HAPLN3: variants seen among roughly 807,000 people sequenced by gnomAD.
The protein encoded by HAPLN3 is extracellular link domain containing, 1.
A neutral mutation model predicts 28.1 loss-of-function variants in HAPLN3; 28 were observed. The ratio of observed to expected loss-of-function variants is 1.00; its 90% CI spans 0.74 to 1.37. The LOEUF is 1.37. HAPLN3 is among the 40% of genes most tolerant of loss of function. The pLI is 0.00. For missense variants in HAPLN3, 513 were observed against 504.6 expected (o/e 1.02, Z -0.16); for synonymous variants, 211 against 213.1 (o/e 0.99, Z 0.09).
chr15:88,879,241 G>T lies in HAPLN3; in HGVS notation c.522C>A (p.Asn174Lys). Residue 174 changes from asparagine (N) to lysine (K), a missense_variant, in exon 4 of 5, where the codon AAC becomes AAA. Physicochemically the swap from Asn to Lys is moderately conservative, Grantham distance 94. Transcript: ENST00000359595. The surrounding 1 kb of genome is among the most constrained non-coding windows in gnomAD (Gnocchi z 5.0). ...RGVVFPYQSPNGRYQFNFHEG... is the reference protein window; with the variant it reads ...RGVVFPYQSPKGRYQFNFHEG... Reference sequence around the variant, plus strand: ...CGTGGAAGTTGAACTGGTAGCGCCCGTTGGGGGACTGGTAAGGAAAGACCA... The same window carrying T: ...CGTGGAAGTTGAACTGGTAGCGCCCTTTGGGGGACTGGTAAGGAAAGACCA... 1.9e-6 allele frequency: 3 copies of T among 1,608,798 alleles called. No homozygotes were observed. Among genetic ancestry groups the T allele is most frequent in the Non-Finnish European group, 2.5e-6 (3 of 1,176,976 alleles).
At chr15:88,892,983 G>A (rs866031119) in intron 1 of HAPLN3, 3 of 1,535,606 alleles carry the variant, frequency 2.0e-6, no homozygotes, top group Middle Eastern at 1.7e-4. Context: ...CCTTGGCAGT[G>A]GATAGTTCCC....
At chr15:88,887,439 A>C (rs572272997) in intron 1 of HAPLN3, 94 bp from the exon 2 acceptor site, 2 of 1,175,348 alleles carry the variant, frequency 1.7e-6, no homozygotes, top group South Asian at 2.9e-5. Flanking sequence ...CTTGCTCAAC[A>C]GCTCACTGCG....
chr15:88,884,722 T>C (rs1415716280), intron 2 of HAPLN3, among the ~76,000 whole-genome samples: 1 of 152,080 alleles, frequency 6.6e-6, no homozygotes, highest in Non-Finnish European at 1.5e-5. Context: ...GATGTCGAGA[T>C]GGGGAGGGTA....
chr15:88,881,823 A>C lies in HAPLN3; in HGVS notation c.125-98T>G. On this transcript the variant is annotated intron_variant, in intron 2 of 4. Coordinates refer to ENST00000359595, the MANE Select transcript of HAPLN3 (RefSeq NM_178232.4). The surrounding 1 kb of genome is among the most constrained non-coding windows in gnomAD (Gnocchi z 6.0). ...CCTCATCCACGGCTCCTACAGGCTC[A>C]GATTGCAAAAATGGCCACCATGCTC... is the stretch of plus-strand genomic sequence containing the variant. 1.2e-5 allele frequency: 16 copies of C among 1,389,384 alleles called. No homozygotes were observed. The highest frequency in any genetic ancestry group is 1.5e-5 in the Non-Finnish European group (15 of 1,031,882). 86.1% of individuals were successfully genotyped at this position (1,389,384 alleles called of 1,614,324 possible). A position where few individuals can be genotyped will look rare whatever the true frequency, so the allele number is the denominator to read the frequency against.
At position 88,887,174 on chromosome 15, in the gene HAPLN3, C is replaced by T. The variant is rs1897881921; in HGVS notation, c.124+1G>A. ...AGAGCCGGGTGCAGGAGGTCGCCTA[C>T]CTTTGCCATGACCGTTGCCTAGGTT... On this transcript the variant is annotated splice_donor_variant, in intron 2 of 4. Transcript: ENST00000359595. LOFTEE classifies it high-confidence loss of function. 1 of 1,614,136 alleles carries T rather than the reference C, an allele frequency of 6.2e-7. No individual in the cohort carries two copies. The highest frequency in any genetic ancestry group is 8.5e-7 in the Non-Finnish European group (1 of 1,180,024).
At position 88,881,328 on chromosome 15, in the gene HAPLN3, G is replaced by T; in HGVS notation, c.493+29C>A. ...CTCTCCCCTCTGCTCTCAGGTCCCA[G>T]TGTCACCCAGTCCCCGTTAGCATCT... On this transcript the variant is annotated intron_variant, in intron 3 of 4. Coordinates refer to ENST00000359595, the MANE Select transcript of HAPLN3 (RefSeq NM_178232.4). This position sits in a 1 kb window ranked among gnomAD's most constrained non-coding sequence, Gnocchi z 6.0. The T allele has an allele frequency of 6.3e-7, 1 of 1,591,304 alleles. No individual in the cohort carries two copies. The highest frequency in any genetic ancestry group is 2.2e-5 in the East Asian group (1 of 44,686).
chr15:88,892,246 C>T (rs1016467586), intron 1 of HAPLN3, among the ~76,000 whole-genome samples: 1 of 152,076 alleles, frequency 6.6e-6, no homozygotes, highest in Non-Finnish European at 1.5e-5. Flanking sequence ...CACCTGAGGT[C>T]AGGAGTTTGA....
intron 1 of HAPLN3, among the ~76,000 whole-genome samples, chr15:88,891,943 A>G (rs541580409): frequency 8.4e-4 from 128 of 152,246 alleles, no homozygotes; most frequent in African/African-American, 2.6e-3. Context: ...GTCCCTGGGC[A>G]CCTAGAGTCT....
rs1196236724 is a variant in HAPLN3 at position 88,881,008 on chromosome 15, T to C, written c.493+349A>G. 1 of 322,298 alleles carries C rather than the reference T, an allele frequency of 3.1e-6. No homozygotes were observed. The highest frequency in any genetic ancestry group is 2.2e-5 in the African/African-American group (1 of 46,186). The allele number at this position is 322,298 out of a possible 1,614,324, so 20.0% of individuals were successfully genotyped here. A position where few individuals can be genotyped will look rare whatever the true frequency, so the allele number is the denominator to read the frequency against. ...GTGTTACCCGCTAACCTTGCTTAAA[T>C]CTCAGCTCTGTCTCTAATAAGCTGT... On this transcript the variant is annotated intron_variant, in intron 3 of 4. Coordinates refer to ENST00000359595, the MANE Select transcript of HAPLN3 (RefSeq NM_178232.4). This position sits in a 1 kb window ranked among gnomAD's most constrained non-coding sequence, Gnocchi z 6.0.
At chr15:88,893,047 T>A in intron 1 of HAPLN3, 1 of 1,293,814 alleles carries the variant, frequency 7.7e-7, no homozygotes, top group Non-Finnish European at 1.1e-6. Flanking sequence ...GTATTGGAGC[T>A]GGACACACTG....
chr15:88,883,221 T>C (rs958842120), intron 2 of HAPLN3, among the ~76,000 whole-genome samples: 1 of 152,060 alleles, frequency 6.6e-6, no homozygotes, highest in Non-Finnish European at 1.5e-5. Context: ...GAAATGCACA[T>C]TGTGGGGTCC....
intron 4 of HAPLN3, 75 bp downstream of exon 4, chr15:88,878,892 T>C: frequency 7.0e-7 from 1 of 1,425,698 alleles, no homozygotes; most frequent in Non-Finnish European, 9.4e-7. Flanking sequence ...GGGCCAGAGC[T>C]CCCCAGAAGC....
Position 88,880,613 on chromosome 15 carries a change from A to G in HAPLN3, c.493+744T>C. The G allele has an allele frequency of 3.1e-6, 4 of 1,288,374 alleles. No homozygotes were observed. Among genetic ancestry groups the G allele is most frequent in the Non-Finnish European group, 4.0e-6 (4 of 988,128 alleles). The allele number at this position is 1,288,374 out of a possible 1,614,324, so 79.8% of individuals were successfully genotyped here. A position where few individuals can be genotyped will look rare whatever the true frequency, so the allele number is the denominator to read the frequency against. On this transcript the variant is annotated intron_variant, in intron 3 of 4. Transcript: ENST00000359595. This position sits in a 1 kb window ranked among gnomAD's most constrained non-coding sequence, Gnocchi z 6.0. ...ATGTGAGGACACACAGCCCCATCCT[A>G]GAGACAGAGAAGGTAAATACAAATT...
chr15:88,887,633 T>TA (rs1238942129), intron 1 of HAPLN3, among the ~76,000 whole-genome samples: 22 of 152,286 alleles, frequency 1.4e-4, no homozygotes, highest in Middle Eastern at 3.4e-3. Context: ...AGCAGGATGA[T>TA]ATGACAGGCT....
chr15:88,881,403 A>G lies in HAPLN3; in HGVS notation c.447T>C (p.Ile149=), dbSNP rs1897692865. 1.2e-6 allele frequency: 2 copies of G among 1,613,770 alleles called. No individual in the cohort carries two copies. Among genetic ancestry groups the G allele is most frequent in the African/African-American group, 1.3e-5 (1 of 74,918 alleles). ...EDYGRYRCEV[I]DGLEDESGLV... ...GACCGCTTTCATCCTCCAGCCCGTC[A>G]ATGACCTCACAGCGGTAACGCCCAT... is the stretch of plus-strand genomic sequence containing the variant. Residue 149 remains isoleucine (I), a synonymous_variant, in exon 3 of 5, where the codon ATT becomes ATC. Transcript: ENST00000359595. This position sits in a 1 kb window ranked among gnomAD's most constrained non-coding sequence, Gnocchi z 6.0.
intron 2 of HAPLN3, among the ~76,000 whole-genome samples, chr15:88,886,937 AC>A (rs925345424): frequency 1.3e-5 from 2 of 152,234 alleles, no homozygotes; most frequent in Non-Finnish European, 2.9e-5. Context: ...AACTGGCAAG[AC>A]TTTTAGGGAA....
intron 1 of HAPLN3, among the ~76,000 whole-genome samples, chr15:88,893,951 T>TG (rs1198807826): frequency 2.9e-4 from 11 of 38,086 alleles, no homozygotes; most frequent in East Asian, 1.7e-3. Flanking sequence ...AAAGTTGGGG[T>TG]GGGGGGGGCG....
At chr15:88,887,466 C>A in intron 1 of HAPLN3, 121 bp from the exon 2 acceptor site, 1 of 827,364 alleles carries the variant, frequency 1.2e-6, no homozygotes, top group Non-Finnish European at 1.9e-6. Context: ...CTGCCGCCTA[C>A]GTGCCAGACG....
chr15:88,883,834 T>C lies in HAPLN3; in HGVS notation c.125-2109A>G, dbSNP rs147982992. ...GGCTCACGCCTGTAATCCTAGCACTTTGGGAGGCCAAGGCGGGCAGATCAC... is the reference window on the plus strand; with the variant it reads ...GGCTCACGCCTGTAATCCTAGCACTCTGGGAGGCCAAGGCGGGCAGATCAC... On this transcript the variant is annotated intron_variant, in intron 2 of 4. Coordinates refer to ENST00000359595, the MANE Select transcript of HAPLN3 (RefSeq NM_178232.4). Among the ~76,000 whole-genome samples, 319 of 152,292 alleles carry C rather than the reference T, an allele frequency of 2.1e-3. 3 individuals carry two copies. Among genetic ancestry groups the C allele is most frequent in the African/African-American group, 7.2e-3 (300 of 41,566 alleles).
Sources: allele counts gnomAD v4.1 joint callset (sites outside exome capture counted in the v4.1 genomes callset), GRCh38; gene constraint gnomAD v4.1.1; non-coding constraint Gnocchi (gnomAD v3.1); transcripts MANE v1.5; gene names NCBI Gene and HGNC (gene_info 2026-07-23, HGNC 2026-07-21).